The following CNTN6 variants were observed in gnomAD, a reference collection of about 807,000 sequenced individuals.
CNTN6 encodes contactin 6.
CNTN6 carries 137 observed loss-of-function variants against 122.8 expected under a neutral mutation model. The ratio of observed to expected loss-of-function variants is 1.12; its 90% CI spans 0.97 to 1.29. The LOEUF (loss-of-function observed/expected upper bound fraction) is 1.29, where lower values mean the gene tolerates loss of function less well. Ranked by LOEUF, CNTN6 falls within the 50% of genes most tolerant of loss-of-function variation. The pLI, the probability that CNTN6 is intolerant of heterozygous loss-of-function variation, is 0.00. For missense variants in CNTN6, 1,634 were observed against 1,223.4 expected (o/e 1.34, Z -5.01); for synonymous variants, 570 against 426.0 (o/e 1.34, Z -4.16).
intron 2 of CNTN6, among the ~76,000 whole-genome samples, chr3:1,176,007 A>G (rs1465334191): frequency 6.6e-6 from 1 of 152,176 alleles, no homozygotes; most frequent in East Asian, 1.9e-4. Context: ...TGAGATTGTA[A>G]GTGCTTCCTT....
At chr3:1,211,660 TATCATCTACTTATCTCAA>T (rs1478370976) in intron 2 of CNTN6, among the ~76,000 whole-genome samples, 1 of 152,062 alleles carries the variant, frequency 6.6e-6, no homozygotes. Flanking sequence ...CCTCTCTCTC[TATCATCTACTTATCTCAA>T]TTTCTGCCTT....
intron 12 of CNTN6, among the ~76,000 whole-genome samples, chr3:1,365,841 T>C (rs1417232856): frequency 6.6e-6 from 1 of 152,134 alleles, no homozygotes; most frequent in African/African-American, 2.4e-5. Context: ...TGGGACTCCA[T>C]CTTTCTTTCT....
At chr3:1,252,486 A>G (rs940982097) in intron 4 of CNTN6, among the ~76,000 whole-genome samples, 7 of 152,218 alleles carry the variant, frequency 4.6e-5, no homozygotes, top group Admixed American at 4.6e-4. Context: ...TATACAAATC[A>G]TAAACACAGA....
At chr3:1,205,161 G>A (rs1002214399) in intron 2 of CNTN6, among the ~76,000 whole-genome samples, 2 of 152,076 alleles carry the variant, frequency 1.3e-5, no homozygotes, top group Non-Finnish European at 2.9e-5. Context: ...TCCGAGGAAC[G>A]TGGGCAGTCT....
chr3:1,397,160 C>T (rs1351192687), intron 20 of CNTN6, among the ~76,000 whole-genome samples: 4 of 152,048 alleles, frequency 2.6e-5, no homozygotes, highest in Non-Finnish European at 5.9e-5. Context: ...AGCAATTAAA[C>T]CAAGCAAGAT....
chr3:1,101,704 C>T (rs1488974428), intron 1 of CNTN6, among the ~76,000 whole-genome samples: 2 of 152,176 alleles, frequency 1.3e-5, no homozygotes, highest in African/African-American at 2.4e-5. Context: ...TTTCCATTGG[C>T]TCCACAAACA....
intron 4 of CNTN6, among the ~76,000 whole-genome samples, chr3:1,239,786 A>G (rs2094460571): frequency 1.3e-5 from 2 of 152,238 alleles, no homozygotes; most frequent in South Asian, 2.1e-4. Flanking sequence ...CTCTGAGGCC[A>G]TAGTCACCAA....
intron 2 of CNTN6, among the ~76,000 whole-genome samples, chr3:1,218,744 C>A (rs1337550347): frequency 2.6e-5 from 4 of 152,092 alleles, no homozygotes; most frequent in African/African-American, 9.7e-5. Flanking sequence ...TACGCACACA[C>A]ACAAATTTGC....
chr3:1,223,621 T>C (rs79087213), intron 3 of CNTN6, among the ~76,000 whole-genome samples: 1,987 of 152,322 alleles, frequency 0.013, 36 homozygotes, highest in African/African-American at 0.043. Flanking sequence ...AACTTAGTTC[T>C]ACCTCAGAAT....
At chr3:1,336,819 G>A (rs998760341) in intron 11 of CNTN6, among the ~76,000 whole-genome samples, 4 of 152,052 alleles carry the variant, frequency 2.6e-5, no homozygotes, top group Admixed American at 6.6e-5. Context: ...GCCTGGCTCC[G>A]CAATGCCCAG....
intron 2 of CNTN6, among the ~76,000 whole-genome samples, chr3:1,157,094 T>C (rs2092989005): frequency 6.6e-6 from 1 of 151,930 alleles, no homozygotes; most frequent in East Asian, 1.9e-4. Context: ...ATGAGATATT[T>C]TGATATAGGC....
intron 12 of CNTN6, among the ~76,000 whole-genome samples, chr3:1,371,576 A>G (rs1005616027): frequency 6.6e-6 from 1 of 152,128 alleles, no homozygotes; most frequent in Non-Finnish European, 1.5e-5. Flanking sequence ...CTGAACAAAT[A>G]TAGGACTCTC....
At chr3:1,289,041 C>T (rs146660729) in intron 5 of CNTN6, among the ~76,000 whole-genome samples, 5 of 152,198 alleles carry the variant, frequency 3.3e-5, no homozygotes, top group East Asian at 1.9e-4. Flanking sequence ...GCATCACAAC[C>T]GTTAATAACC....
At chr3:1,272,669 T>C (rs767449355) in intron 4 of CNTN6, among the ~76,000 whole-genome samples, 3 of 152,138 alleles carry the variant, frequency 2.0e-5, no homozygotes, top group Non-Finnish European at 2.9e-5. Flanking sequence ...TCCTGATCAA[T>C]GGACCCTGGG....
rs773814744 is a variant in CNTN6, at chr3:1,327,382, G to T, written c.1084-75G>T. 2.2e-5 allele frequency: 31 copies of T among 1,426,412 alleles called. No individual in the cohort carries two copies. The East Asian group carries it at 7.0e-4, about 32-fold the overall frequency. 88.4% of individuals were successfully genotyped at this position (1,426,412 alleles called of 1,614,324 possible). ...GATCTCATAGATATACACAAATGTT[G>T]TTTAATAACATATCCTGGTTAAGAG... On this transcript the variant is annotated intron_variant, in intron 9 of 22. Transcript: ENST00000446702.
intron 2 of CNTN6, among the ~76,000 whole-genome samples, chr3:1,151,585 A>G (rs930440006): frequency 7.9e-5 from 12 of 152,224 alleles, no homozygotes; most frequent in Non-Finnish European, 2.9e-5. Flanking sequence ...AAGCAGCTTC[A>G]TTCACTTCAA....
intron 4 of CNTN6, among the ~76,000 whole-genome samples, chr3:1,273,362 G>T (rs1176888622): frequency 6.6e-6 from 1 of 152,170 alleles, no homozygotes; most frequent in Non-Finnish European, 1.5e-5. Flanking sequence ...AGAAACTGGT[G>T]GTTCTCTCTG....
chr3:1,245,748 CAAAT>C (rs1418732438), intron 4 of CNTN6, among the ~76,000 whole-genome samples: 4 of 151,436 alleles, frequency 2.6e-5, no homozygotes, highest in African/African-American at 4.9e-5. Context: ...CAAAAACAAA[CAAAT>C]AAACAGCAAA....
rs376960409 is a variant in CNTN6, at chr3:1,373,238, T to A, written c.1786+283T>A. Among the ~76,000 whole-genome samples, 60 of 152,232 alleles carry A rather than the reference T, an allele frequency of 3.9e-4. No individual in the cohort carries two copies. In the South Asian group the frequency reaches 0.012, roughly 30 times the overall value. On this transcript the variant is annotated intron_variant, in intron 14 of 22. Transcript: ENST00000446702. ...AAAACTTAGACATACCTTCTGTTTA[T>A]AATAAATCATTCTTGTCAATCCAGA...
Sources: allele counts gnomAD v4.1 joint callset (sites outside exome capture counted in the v4.1 genomes callset), GRCh38; gene constraint gnomAD v4.1.1; transcripts MANE v1.5; gene names NCBI Gene and HGNC (gene_info 2026-07-23, HGNC 2026-07-21).